The following SLC6A8 variants were observed in gnomAD, a reference collection of about 807,000 sequenced individuals.
The protein encoded by SLC6A8 is sodium- and chloride-dependent creatine transporter 1.
In SLC6A8, 6 loss-of-function variants were observed where a neutral mutation model predicts 48.3. The ratio of observed to expected loss-of-function variants is 0.12; its 90% CI spans 0.07 to 0.25. SLC6A8 has a LOEUF of 0.25. Ranked by LOEUF, SLC6A8 falls within the 10% of genes least tolerant of loss-of-function variation. The probability of loss-of-function intolerance (pLI) is 1.00; values close to 1 mark genes in which losing one functional copy is unlikely to be tolerated. For synonymous variants in SLC6A8, 245 were observed against 244.0 expected (o/e 1.00, Z -0.04); for missense variants, 260 against 551.5 (o/e 0.47, Z 5.29).
At position 153,695,618 on chromosome X, in the gene SLC6A8, G is replaced by A. The variant is rs1208371363; in HGVS notation, c.*404G>A. 1 of 201,157 alleles carries A rather than the reference G, an allele frequency of 5.0e-6. No individual in the cohort carries two copies. 16.6% of individuals were successfully genotyped at this position (201,157 alleles called of 1,213,427 possible). On this transcript the variant is annotated 3_prime_UTR_variant, in exon 13 of 13. Transcript: ENST00000253122. ...GTGGCAGCTTGGGAAATGTGAGGAA[G>A]GGAAGGAGGGAGAGACGGGAGGGAG...
chrX:153,691,854 C>A, intron 3 of SLC6A8, 121 bp from the exon 4 acceptor site: 1 of 853,017 alleles, frequency 1.2e-6, no homozygotes, highest in Non-Finnish European at 1.7e-6. Flanking sequence ...CCCAATTGGA[C>A]AAGAGGGACC....
chrX:153,692,596 G>T, intron 4 of SLC6A8: 1 of 338,469 alleles, frequency 3.0e-6, no homozygotes, highest in Non-Finnish European at 5.7e-6. Flanking sequence ...GCTGCATCTC[G>T]CCTGCCTCTG....
chrX:153,690,617 C>T, intron 2 of SLC6A8, 111 bp downstream of exon 2: 1 of 891,204 alleles, frequency 1.1e-6, no homozygotes, highest in Non-Finnish European at 1.6e-6. Context: ...TGATGGCGTC[C>T]CAGTCTCGAG....
At chrX:153,693,775 C>A in intron 7 of SLC6A8, 130 bp from the exon 8 acceptor site, 1 of 796,271 alleles carries the variant, frequency 1.3e-6, no homozygotes, top group South Asian at 2.2e-5. Context: ...CAGCCCCTGC[C>A]GCACGACCCA....
At position 153,695,136 on chromosome X, in the gene SLC6A8, C is replaced by T. The variant is rs1803330; in HGVS notation, c.1830C>T (p.Asp610=). Residue 610 remains aspartate, a synonymous_variant, in exon 13 of 13, where the codon GAC becomes GAT. Coordinates refer to ENST00000253122, the MANE Select transcript of SLC6A8 (RefSeq NM_005629.4). ...GLHHLEYRAQ[D]ADVRGLTTLT... ...ACCACTTGGAGTACCGAGCTCAGGA[C>T]GCAGATGTCAGGGGCCTGACCACCC... is the stretch of plus-strand genomic sequence containing the variant. The T allele has an allele frequency of 4.3e-5, 51 of 1,199,437 alleles. No homozygotes were observed. Among genetic ancestry groups the T allele is most frequent in the Middle Eastern group, 2.4e-4 (1 of 4,164 alleles).
Position 153,688,181 on chromosome X carries a change from T to G in SLC6A8, c.-394T>G. On this transcript the variant is annotated 5_prime_UTR_variant, in exon 1 of 13. The change abolishes an upstream ATG in the 5' untranslated region. Coordinates refer to ENST00000253122, the MANE Select transcript of SLC6A8 (RefSeq NM_005629.4). ...GCCGCTTGCAGACCGCGGGCGCCGA[T>G]GTCGCCCGCGCCCCGCTAGGCTGAG... 1.1e-5 allele frequency: 1 copy of G among 93,621 alleles called. No individual in the cohort carries two copies. Among genetic ancestry groups the G allele is most frequent in the Non-Finnish European group, 2.1e-5 (1 of 46,617 alleles). The allele number at this position is 93,621 out of a possible 1,213,427, so 7.7% of individuals were successfully genotyped here.
chrX:153,692,623 T>C (rs1205618519), intron 4 of SLC6A8: 3 of 339,867 alleles, frequency 8.8e-6, no homozygotes, highest in Non-Finnish European at 1.7e-5. Context: ...CCAGTTCCAC[T>C]CTCCACCTGC....
intron 1 of SLC6A8, 115 bp downstream of exon 1, chrX:153,688,951 C>G (rs1557043908): frequency 3.4e-6 from 1 of 294,669 alleles, no homozygotes; most frequent in Non-Finnish European, 5.2e-6. Context: ...CCCGGGCACG[C>G]GGGGGTCGGG....
intron 7 of SLC6A8, 130 bp from the exon 8 acceptor site, chrX:153,693,775 C>G: frequency 1.3e-6 from 1 of 796,272 alleles, no homozygotes; most frequent in South Asian, 2.2e-5. Flanking sequence ...CAGCCCCTGC[C>G]GCACGACCCA....
intron 8 of SLC6A8, 56 bp downstream of exon 8, chrX:153,694,073 G>A: frequency 8.3e-7 from 1 of 1,203,986 alleles, no homozygotes; most frequent in Non-Finnish European, 1.1e-6. Flanking sequence ...GAGGGCTGCA[G>A]GCAAGGAAAG....
At chrX:153,691,254 G>A in intron 2 of SLC6A8, 50 bp from the exon 3 acceptor site, 1 of 1,160,908 alleles carries the variant, frequency 8.6e-7, no homozygotes. Flanking sequence ...GGGGTGGCAG[G>A]GGGAGGTGGC....
chrX:153,695,819 G>C lies in SLC6A8; in HGVS notation c.*605G>C, dbSNP rs1306110671. The C allele has an allele frequency of 7.3e-6, 1 of 137,108 alleles. No homozygotes were observed. The highest frequency in any genetic ancestry group is 1.5e-5 in the Non-Finnish European group (1 of 67,969). 11.3% of individuals were successfully genotyped at this position (137,108 alleles called of 1,213,427 possible). A position where few individuals can be genotyped will look rare whatever the true frequency, so the allele number is the denominator to read the frequency against. On this transcript the variant is annotated 3_prime_UTR_variant, in exon 13 of 13. Coordinates refer to ENST00000253122, the MANE Select transcript of SLC6A8 (RefSeq NM_005629.4). Reference sequence around the variant, plus strand: ...ATCAATTGTGTGAGCTTGGGTGCGAGTGCACGCGTGCGTGAGTACGGAGAG... The same window carrying C: ...ATCAATTGTGTGAGCTTGGGTGCGACTGCACGCGTGCGTGAGTACGGAGAG...
Position 153,692,246 on chromosome X carries a change from T to A in SLC6A8, c.777+139T>A, listed in dbSNP as rs1406621575. The A allele has an allele frequency of 5.3e-5, 34 of 642,614 alleles. No individual in the cohort carries two copies. The Admixed American group carries it at 9.1e-4, about 17-fold the overall frequency. 53.0% of individuals were successfully genotyped at this position (642,614 alleles called of 1,213,427 possible). On this transcript the variant is annotated intron_variant, in intron 4 of 12. Transcript: ENST00000253122. ...GGGGGAGGTACTGAAAGCCAAGCAATGCTCCCCACCCTGCAAATCCAGGGC... is the reference window on the plus strand; with the variant it reads ...GGGGGAGGTACTGAAAGCCAAGCAAAGCTCCCCACCCTGCAAATCCAGGGC...
intron 6 of SLC6A8, 25 bp downstream of exon 6, chrX:153,693,391 G>A (rs782357791): frequency 4.2e-6 from 5 of 1,203,894 alleles, no homozygotes; most frequent in African/African-American, 1.8e-5. Flanking sequence ...CCTGCCACCC[G>A]TGCCCTGTCC....
chrX:153,691,652 T>G, intron 3 of SLC6A8, 99 bp downstream of exon 3: 1 of 1,037,233 alleles, frequency 9.6e-7, no homozygotes, highest in Admixed American at 2.2e-5. Flanking sequence ...ACCAGGGTGT[T>G]GCCTGGCAGT....
intron 4 of SLC6A8, 62 bp from the exon 5 acceptor site, chrX:153,692,979 C>T (rs1373242610): frequency 8.4e-7 from 1 of 1,196,308 alleles, no homozygotes; most frequent in African/African-American, 1.7e-5. Context: ...ACCGGAGGCG[C>T]TGGGAGTGGG....
rs782524198 is a variant in SLC6A8, at chrX:153,692,008, G to A, written c.678G>A (p.Glu226=). 13 of 1,189,019 alleles carry A rather than the reference G, an allele frequency of 1.1e-5. No homozygotes were observed. In the South Asian group the frequency reaches 2.0e-4, roughly 18 times the overall value. The change falls in exon 4 of 13, where the codon GAG becomes GAA. Residue 226 remains glutamate (E), a synonymous_variant. Coordinates refer to ENST00000253122, the MANE Select transcript of SLC6A8 (RefSeq NM_005629.4). ...NKVLRLSGGL[E]VPGALNWEVT... ...TCTTGAGGCTGTCTGGGGGACTGGA[G>A]GTGCCAGGGGCCCTCAACTGGGAGG... is the stretch of plus-strand genomic sequence containing the variant.
intron 2 of SLC6A8, 64 bp from the exon 3 acceptor site, chrX:153,691,240 T>A: frequency 8.8e-7 from 1 of 1,140,905 alleles, no homozygotes; most frequent in Non-Finnish European, 1.2e-6. Context: ...GGTGGGGACA[T>A]AAAGGGGTGG....
In SLC6A8 at chrX:153,688,661, G is replaced by A. The variant is rs782373793; in HGVS notation, c.87G>A (p.Gly29=). Residue 29 remains glycine, a synonymous_variant, in exon 1 of 13, where the codon GGG becomes GGA. Coordinates refer to ENST00000253122, the MANE Select transcript of SLC6A8 (RefSeq NM_005629.4). The part of the protein sequence containing the change: ...KGPLIAPGPD[G]APAKGDGPVG... ...CCCTCATCGCGCCCGGGCCCGACGGGGCCCCGGCCAAGGGCGACGGCCCCG... is the reference window on the plus strand; with the variant it reads ...CCCTCATCGCGCCCGGGCCCGACGGAGCCCCGGCCAAGGGCGACGGCCCCG... 328 of 1,080,808 alleles carry A rather than the reference G, an allele frequency of 3.0e-4. 1 individual carries two copies. In the South Asian group the frequency reaches 6.7e-3, roughly 22 times the overall value. 89.1% of individuals were successfully genotyped at this position (1,080,808 alleles called of 1,213,427 possible).
Sources: gnomAD v4.1 joint callset for allele counts on GRCh38, gnomAD v4.1.1 for gene constraint, MANE v1.5 for transcripts, NCBI Gene and HGNC (gene_info 2026-07-23, HGNC 2026-07-21) for gene names.